Variants in GLIS3 observed in about 807,000 individuals in gnomAD.
GLIS3 encodes the protein zinc finger protein GLIS3.
A neutral mutation model predicts 78.6 loss-of-function variants in GLIS3; 53 were observed. That is an observed-to-expected ratio of 0.67 (90% CI 0.54 to 0.85). GLIS3 has a LOEUF of 0.85. Among genes scored for constraint, GLIS3 ranks in the 40% least tolerant of loss-of-function variants. The pLI, the probability that GLIS3 is intolerant of heterozygous loss-of-function variation, is 0.00. For missense variants in GLIS3, 1,703 were observed against 1,231.1 expected, an observed-to-expected ratio of 1.38 and a Z score of -5.74; for synonymous variants, 684 against 509.9, an observed-to-expected ratio of 1.34 and a Z score of -4.60.
At chr9:4,466,039 G>C in the GLIS3 span, among the ~76,000 whole-genome samples, 1 of 152,052 alleles carries the variant, frequency 6.6e-6, no homozygotes, top group African/African-American at 2.4e-5. Flanking sequence ...AGAGGAAATG[G>C]TAAAATTCAC....
intron 4 of GLIS3, among the ~76,000 whole-genome samples, chr9:4,092,903 A>C (rs76145989): frequency 6.6e-6 from 1 of 152,184 alleles, no homozygotes; most frequent in East Asian, 1.9e-4. Flanking sequence ...TTTTTATACA[A>C]CTGGCAGTGA....
At chr9:4,442,897 G>T in the GLIS3 span, among the ~76,000 whole-genome samples, 1 of 151,996 alleles carries the variant, frequency 6.6e-6, no homozygotes, top group African/African-American at 2.4e-5. Context: ...CAGAACACAA[G>T]CTCATAAGAA....
chr9:4,375,920 C>A, the GLIS3 span, among the ~76,000 whole-genome samples: 1 of 152,170 alleles, frequency 6.6e-6, no homozygotes, highest in African/African-American at 2.4e-5. Flanking sequence ...TAACCAGTTT[C>A]TAGTGCCAGC....
At chr9:3,965,906 C>A (rs1431515456) in intron 4 of GLIS3, among the ~76,000 whole-genome samples, 1 of 152,212 alleles carries the variant, frequency 6.6e-6, no homozygotes, top group Admixed American at 6.5e-5. Flanking sequence ...ACTGTGTAGG[C>A]ACATGTCATT....
chr9:4,337,611 C>G (rs1465715683), intron 2 of GLIS3, among the ~76,000 whole-genome samples: 1 of 152,076 alleles, frequency 6.6e-6, no homozygotes, highest in African/African-American at 2.4e-5. Context: ...TTCTGACATG[C>G]TGAGTTGGAC....
At chr9:3,856,217 G>C (rs759959052) in intron 8 of GLIS3, 33 bp from the exon 9 acceptor site, 12 of 1,587,554 alleles carry the variant, frequency 7.6e-6, no homozygotes, top group Admixed American at 5.2e-5. Context: ...AAACATGAGG[G>C]ACATAAAACA....
the GLIS3 span, among the ~76,000 whole-genome samples, chr9:4,383,522 A>C: frequency 6.6e-6 from 1 of 152,220 alleles, no homozygotes; most frequent in Non-Finnish European, 1.5e-5. Context: ...AATTACTAAC[A>C]AATTAAGAAC....
chr9:4,271,689 G>A (rs1223230343), intron 2 of GLIS3, among the ~76,000 whole-genome samples: 2 of 152,120 alleles, frequency 1.3e-5, no homozygotes, highest in African/African-American at 4.8e-5. Context: ...AGCACAGTGG[G>A]TTTCAGGTAC....
At chr9:4,246,165 C>A (rs191082492) in intron 2 of GLIS3, among the ~76,000 whole-genome samples, 1 of 152,074 alleles carries the variant, frequency 6.6e-6, no homozygotes, top group Non-Finnish European at 1.5e-5. Context: ...TCAAGGCCAG[C>A]CTGGACAGCA....
chr9:4,183,315 T>C (rs905097706), intron 2 of GLIS3, among the ~76,000 whole-genome samples: 3 of 152,188 alleles, frequency 2.0e-5, no homozygotes, highest in African/African-American at 7.2e-5. Context: ...GATGCAACAT[T>C]AACCATAAGC....
At chr9:4,393,843 T>A in the GLIS3 span, among the ~76,000 whole-genome samples, 2 of 152,214 alleles carry the variant, frequency 1.3e-5, no homozygotes, top group African/African-American at 4.8e-5. Context: ...TTTTACGTTG[T>A]TAAACATGTA....
chr9:3,994,065 G>A (rs1003929893), intron 4 of GLIS3, among the ~76,000 whole-genome samples: 3 of 152,160 alleles, frequency 2.0e-5, no homozygotes, highest in South Asian at 2.1e-4. Context: ...GAAGGTCTGG[G>A]TTGGACCAAA....
In GLIS3 at chr9:4,194,272, C is replaced by T. The variant is rs575523015; in HGVS notation, c.389-68331G>A. The stretch of plus-strand genomic sequence containing the variant: ...ACGGGGTTTCACCATGTTGCCCAGG[C>T]TGGTCTCAAACTCCTGAGCTCAGGC... On this transcript the variant is annotated intron_variant, in intron 2 of 10. Coordinates refer to ENST00000381971, the MANE Select transcript of GLIS3 (RefSeq NM_001042413.2). 2.4e-4 allele frequency among the ~76,000 whole-genome samples: 37 copies of T among 152,186 alleles called. 1 individual carries two copies. The highest frequency in any genetic ancestry group is 5.1e-4 in the Non-Finnish European group (35 of 68,016).
At chr9:4,356,565 T>C in the GLIS3 span, among the ~76,000 whole-genome samples, 10 of 152,234 alleles carry the variant, frequency 6.6e-5, no homozygotes, top group Non-Finnish European at 1.3e-4. Flanking sequence ...TAAAATGCTA[T>C]TTCTCACGGT....
intron 2 of GLIS3, among the ~76,000 whole-genome samples, chr9:4,320,461 G>C (rs1207985229): frequency 6.6e-6 from 1 of 152,094 alleles, no homozygotes; most frequent in Non-Finnish European, 1.5e-5. Context: ...CAGAAACTTA[G>C]GGATTTATCC....
intron 9 of GLIS3, among the ~76,000 whole-genome samples, chr9:3,848,613 A>G (rs1461441886): frequency 6.6e-6 from 1 of 152,242 alleles, no homozygotes; most frequent in Non-Finnish European, 1.5e-5. Flanking sequence ...CTTGCTGGAA[A>G]GTACCATTGC....
intron 2 of GLIS3, among the ~76,000 whole-genome samples, chr9:4,268,045 G>A (rs578153122): frequency 1.1e-4 from 17 of 152,058 alleles, no homozygotes; most frequent in African/African-American, 3.9e-4. Context: ...ACACACGTGC[G>A]TGCGTGCGCA....
intron 4 of GLIS3, among the ~76,000 whole-genome samples, chr9:3,949,514 A>C (rs1316901745): frequency 6.6e-6 from 1 of 152,240 alleles, no homozygotes; most frequent in Non-Finnish European, 1.5e-5. Context: ...GAAATATCTT[A>C]CAGCGAGATC....
intron 2 of GLIS3, among the ~76,000 whole-genome samples, chr9:4,234,318 T>C (rs1333180025): frequency 6.6e-6 from 1 of 152,228 alleles, no homozygotes; most frequent in Non-Finnish European, 1.5e-5. Flanking sequence ...CGACTCCTCC[T>C]TTCACTTGAA....
Sources: gnomAD v4.1 joint callset for allele counts (sites outside exome capture counted in the v4.1 genomes callset) on GRCh38, gnomAD v4.1.1 for gene constraint, MANE v1.5 for transcripts, NCBI Gene and HGNC (gene_info 2026-07-23, HGNC 2026-07-21) for gene names.